The following SHISA9 variants were observed in gnomAD, a reference collection of about 807,000 sequenced individuals.
SHISA9 encodes protein shisa-9.
A neutral mutation model predicts 38.0 loss-of-function variants in SHISA9; 13 were observed. That is an observed-to-expected ratio of 0.34 (90% CI 0.22 to 0.54). The LOEUF is 0.54. SHISA9 is among the 20% of genes least tolerant of loss of function. The pLI is 0.91. For missense variants in SHISA9, 538 were observed against 575.8 expected (o/e 0.93, Z 0.67); for synonymous variants, 275 against 242.0 (o/e 1.14, Z -1.27).
chr16:12,931,894 C>T (rs911807667), intron 2 of SHISA9, among the ~76,000 whole-genome samples: 20 of 152,198 alleles, frequency 1.3e-4, no homozygotes, highest in Non-Finnish European at 2.8e-4. Flanking sequence ...CCACCCAAAT[C>T]TCATCTTGAA....
intron 1 of SHISA9, among the ~76,000 whole-genome samples, chr16:12,911,824 G>A (rs1374391774): frequency 6.6e-6 from 1 of 151,668 alleles, no homozygotes; most frequent in Admixed American, 6.6e-5. Context: ...AAGAAGGGGG[G>A]CATTTTTAAA....
rs570511452 is a variant in SHISA9 at position 12,918,245 on chromosome 16, A to T, written c.691+1430A>T. Among the ~76,000 whole-genome samples, 4 of 152,152 alleles carry T rather than the reference A, an allele frequency of 2.6e-5. No individual in the cohort carries two copies. The South Asian group carries it at 8.3e-4, about 32-fold the overall frequency. ...TCTGACACGGCAGTTGCTGTGTCCG[A>T]TTCTGGCTTTAATGGAAATGAGCAC... On this transcript the variant is annotated intron_variant, in intron 2 of 4. Coordinates refer to ENST00000558583, the MANE Select transcript of SHISA9 (RefSeq NM_001145204.3).
chr16:12,908,126 G>GC (rs2141709477), intron 1 of SHISA9, among the ~76,000 whole-genome samples: 1 of 24,350 alleles, frequency 4.1e-5, no homozygotes, highest in South Asian at 5.3e-3. Flanking sequence ...CTCAGGACCT[G>GC]TCACAACTAT....
chr16:13,216,165 C>T (rs28561966), intron 4 of SHISA9, among the ~76,000 whole-genome samples: 27,198 of 133,320 alleles, frequency 0.2, 2,775 homozygotes, highest in Middle Eastern at 0.28. Context: ...CCACCCTGGG[C>T]GGCAGAGCGA....
chr16:13,313,249 C>T, the SHISA9 span, among the ~76,000 whole-genome samples: 2 of 48,534 alleles, frequency 4.1e-5, no homozygotes, highest in African/African-American at 1.5e-4. Context: ...AGCGAGACTC[C>T]GTCTCAAAAA....
intron 3 of SHISA9, among the ~76,000 whole-genome samples, chr16:13,207,786 G>A (rs1337071014): frequency 6.6e-6 from 1 of 152,148 alleles, no homozygotes; most frequent in Non-Finnish European, 1.5e-5. Context: ...AGGGTTCTTT[G>A]TTAAAGCATA....
chr16:13,031,533 G>A (rs184118331), intron 2 of SHISA9, among the ~76,000 whole-genome samples: 2 of 152,264 alleles, frequency 1.3e-5, no homozygotes, highest in South Asian at 2.1e-4. Flanking sequence ...AGGCAGCCAA[G>A]GGTAAGGCAA....
chr16:13,151,494 G>A, intron 2 of SHISA9, among the ~76,000 whole-genome samples: 1 of 152,058 alleles, frequency 6.6e-6, no homozygotes, highest in Admixed American at 6.5e-5. Context: ...AGAATATGAA[G>A]ACCCTACAGC....
At chr16:13,303,331 T>G in the SHISA9 span, among the ~76,000 whole-genome samples, 1 of 152,192 alleles carries the variant, frequency 6.6e-6, no homozygotes, top group Non-Finnish European at 1.5e-5. Flanking sequence ...CCCACATCAG[T>G]AGGCTAAATG....
intron 2 of SHISA9, among the ~76,000 whole-genome samples, chr16:12,942,442 C>T (rs1258171646): frequency 1.3e-5 from 2 of 152,160 alleles, no homozygotes; most frequent in Non-Finnish European, 2.9e-5. Flanking sequence ...ATCAAGTTGA[C>T]CAACCATGGA....
intron 2 of SHISA9, among the ~76,000 whole-genome samples, chr16:12,926,559 G>A (rs11075174): frequency 0.23 from 34,351 of 152,122 alleles, 4,205 homozygotes; most frequent in South Asian, 0.34. Flanking sequence ...TTATGTTACA[G>A]TGGGAGAAAT....
At chr16:13,545,892 A>T in the SHISA9 span, among the ~76,000 whole-genome samples, 1 of 152,218 alleles carries the variant, frequency 6.6e-6, no homozygotes, top group East Asian at 1.9e-4. Flanking sequence ...AACATGTGAC[A>T]TAAGCTGGGC....
chr16:13,193,836 T>C (rs1053605476), intron 2 of SHISA9, among the ~76,000 whole-genome samples: 18 of 152,154 alleles, frequency 1.2e-4, no homozygotes, highest in Admixed American at 6.5e-5. Flanking sequence ...TCAGAGTTAT[T>C]GGGGAGTGCC....
chr16:12,913,925 G>A (rs901527401), intron 1 of SHISA9, among the ~76,000 whole-genome samples: 1 of 151,928 alleles, frequency 6.6e-6, no homozygotes, highest in Non-Finnish European at 1.5e-5. Context: ...GGCCATTCAG[G>A]TTGTTTCCGC....
At chr16:13,469,413 GAAAGAAAGAA>G in the SHISA9 span, among the ~76,000 whole-genome samples, 21 of 113,674 alleles carry the variant, frequency 1.8e-4, no homozygotes, top group South Asian at 1.6e-3. Context: ...AAGAAAGAAA[GAAAGAAAGAA>G]AAAGAAAGAA....
At chr16:13,265,020 C>T in the SHISA9 span, among the ~76,000 whole-genome samples, 1 of 138,312 alleles carries the variant, frequency 7.2e-6, no homozygotes, top group Non-Finnish European at 1.6e-5. Flanking sequence ...CTCTTCCTGT[C>T]CCTCTGCTCC....
At chr16:13,432,211 T>C in the SHISA9 span, among the ~76,000 whole-genome samples, 1 of 152,246 alleles carries the variant, frequency 6.6e-6, no homozygotes, top group Non-Finnish European at 1.5e-5. Flanking sequence ...AAGTCCACCC[T>C]CATTCCTCTT....
Position 13,230,607 on chromosome 16 carries a change from C to T in SHISA9, c.896-4423C>T, listed in dbSNP as rs186475265. ...GGTTCAGGCATGGCCACCTTTGTTACGGGAAAGGAGTCCCGACCTAGACCC... is the reference window on the plus strand; with the variant it reads ...GGTTCAGGCATGGCCACCTTTGTTATGGGAAAGGAGTCCCGACCTAGACCC... On this transcript the variant is annotated intron_variant, in intron 4 of 4. Coordinates refer to ENST00000558583, the MANE Select transcript of SHISA9 (RefSeq NM_001145204.3). 2.3e-3 allele frequency among the ~76,000 whole-genome samples: 351 copies of T among 151,992 alleles called. 2 individuals are homozygous for T. The highest frequency in any genetic ancestry group is 5.7e-4 in the Non-Finnish European group (39 of 67,972).
the SHISA9 span, among the ~76,000 whole-genome samples, chr16:13,394,003 T>C: frequency 1.3e-5 from 2 of 152,228 alleles, no homozygotes; most frequent in Admixed American, 1.3e-4. Context: ...GTGGGCAACG[T>C]GACCTTCCCA....
Sources: allele counts gnomAD v4.1 joint callset (sites outside exome capture counted in the v4.1 genomes callset), GRCh38; gene constraint gnomAD v4.1.1; transcripts MANE v1.5; gene names NCBI Gene and HGNC (gene_info 2026-07-23, HGNC 2026-07-21).